Variants in WDR27 observed in about 807,000 individuals in gnomAD.
The protein encoded by WDR27 is WD repeat-containing protein 27.
WDR27 carries 100 observed loss-of-function variants against 114.4 expected under a neutral mutation model. The observed-to-expected ratio is 0.87, with a 90% CI of 0.74 to 1.03. The LOEUF (loss-of-function observed/expected upper bound fraction) is 1.03. WDR27 is among the 50% of genes least tolerant of loss of function. The probability of loss-of-function intolerance (pLI) is 0.00; values close to 1 mark genes in which losing one functional copy is unlikely to be tolerated. For synonymous variants in WDR27, 449 were observed against 423.1 expected, an observed-to-expected ratio of 1.06 and a Z score of -0.75; for missense variants, 1,129 against 1,092.9, an observed-to-expected ratio of 1.03 and a Z score of -0.47.
At chr6:169,464,473 C>A (rs1032364792) in intron 25 of WDR27, among the ~76,000 whole-genome samples, 4 of 151,960 alleles carry the variant, frequency 2.6e-5, no homozygotes, top group African/African-American at 9.7e-5. Flanking sequence ...TTAGGGTTGG[C>A]AATGATCTAT....
chr6:169,657,058 C>G (rs571691756), intron 13 of WDR27, among the ~76,000 whole-genome samples: 1 of 152,230 alleles, frequency 6.6e-6, no homozygotes, highest in East Asian at 1.9e-4. Context: ...CAGTTCACAC[C>G]GACAGTGGGT....
At chr6:169,666,709 T>C in intron 6 of WDR27, 1 of 988,422 alleles carries the variant, frequency 1.0e-6, no homozygotes, top group Non-Finnish European at 1.2e-6. Context: ...ATTCACGAGC[T>C]GCACACGTGC....
chr6:169,553,839 C>T (rs1798520292), intron 25 of WDR27, among the ~76,000 whole-genome samples: 1 of 152,148 alleles, frequency 6.6e-6, no homozygotes, highest in Non-Finnish European at 1.5e-5. Flanking sequence ...TGGAACCCTC[C>T]AGATGTTCTG....
At chr6:169,510,119 A>T (rs1241672943) in intron 25 of WDR27, among the ~76,000 whole-genome samples, 1 of 152,246 alleles carries the variant, frequency 6.6e-6, no homozygotes, top group Non-Finnish European at 1.5e-5. Flanking sequence ...ATCATTAAAA[A>T]GTCAGGAAAC....
At chr6:169,565,739 A>G (rs138324673) in intron 25 of WDR27, among the ~76,000 whole-genome samples, 394 of 152,336 alleles carry the variant, frequency 2.6e-3, no homozygotes, top group Admixed American at 4.9e-3. Flanking sequence ...CAGTGGTCCA[A>G]TCCTGGCTCA....
At chr6:169,452,956 G>C (rs576802185), downstream of WDR27, among the ~76,000 whole-genome samples, 49 of 152,268 alleles carry the variant, frequency 3.2e-4, no homozygotes, top group African/African-American at 1.1e-3. Context: ...CTCAGCTGCC[G>C]TGCAGTCAGC....
At chr6:169,688,733 G>C (rs1783699116) in intron 2 of WDR27, 84 bp downstream of exon 2, 2 of 981,784 alleles carry the variant, frequency 2.0e-6, no homozygotes, top group East Asian at 5.7e-5. Context: ...ATCCACAGAG[G>C]GTAATGCTGT....
Position 169,646,772 on chromosome 6 carries a change from A to AGAAAT in WDR27, c.1657+996_1657+1000dup, listed in dbSNP as rs372605087. 7.5e-3 allele frequency among the ~76,000 whole-genome samples: 1,141 copies of AGAAAT among 152,146 alleles called. 14 individuals carry two copies. The highest frequency in any genetic ancestry group is 0.02 in the Middle Eastern group (6 of 294). On this transcript the variant is annotated intron_variant, in intron 16 of 25. Coordinates refer to ENST00000448612, the MANE Select transcript of WDR27 (RefSeq NM_182552.5). ...CAAAAAAAAAAAAAAAAGAAAAGAAAGAAATGATAGATGTCACCCACAATA... is the reference window on the plus strand; with the variant it reads ...CAAAAAAAAAAAAAAAAGAAAAGAAAGAAATGAAATGATAGATGTCACCCACAATA...
chr6:169,500,740 T>C (rs1402725124), intron 25 of WDR27, among the ~76,000 whole-genome samples: 7 of 152,108 alleles, frequency 4.6e-5, no homozygotes, highest in African/African-American at 1.7e-4. Context: ...GCACACGACA[T>C]GGTGGAGACC....
intron 25 of WDR27, among the ~76,000 whole-genome samples, chr6:169,511,312 A>G (rs776996587): frequency 2.0e-5 from 3 of 152,226 alleles, no homozygotes; most frequent in Non-Finnish European, 2.9e-5. Context: ...AATATGTTCC[A>G]TTAAAATCAA....
chr6:169,445,565 C>T, the WDR27 span, among the ~76,000 whole-genome samples: 14 of 151,682 alleles, frequency 9.2e-5, no homozygotes, highest in East Asian at 2.3e-3. Flanking sequence ...AGCAAGCATT[C>T]TGTGAACATT....
At chr6:169,436,683 T>C in the WDR27 span, among the ~76,000 whole-genome samples, 4 of 152,124 alleles carry the variant, frequency 2.6e-5, no homozygotes, top group African/African-American at 7.2e-5. Flanking sequence ...ATCTTACCAT[T>C]ATATTGAATT....
In WDR27 at chr6:169,667,968, C is replaced by T. The variant is rs779658310; in HGVS notation, c.660+14G>A. ...CGTGCCACGCGGGAACGCCATCCAG[C>T]GTCCATCCCTCACCTTAAAGCCTCT... On this transcript the variant is annotated intron_variant, in intron 5 of 25. Coordinates refer to ENST00000448612, the MANE Select transcript of WDR27 (RefSeq NM_182552.5). 5.0e-6 allele frequency: 8 copies of T among 1,606,168 alleles called. No individual in the cohort carries two copies. Among genetic ancestry groups the T allele is most frequent in the Non-Finnish European group, 6.8e-6 (8 of 1,176,236 alleles).
At chr6:169,456,194 T>C (rs146065796), downstream of WDR27, among the ~76,000 whole-genome samples, 52 of 152,200 alleles carry the variant, frequency 3.4e-4, no homozygotes, top group African/African-American at 1.1e-3. This position sits in a 1 kb window ranked among gnomAD's most constrained non-coding sequence, Gnocchi z 4.0. Flanking sequence ...ATTGGAAAAA[T>C]AAAAATGAGT....
At chr6:169,503,230 C>A (rs750258452) in intron 25 of WDR27, among the ~76,000 whole-genome samples, 46 of 152,182 alleles carry the variant, frequency 3.0e-4, no homozygotes, top group Non-Finnish European at 3.4e-4. Flanking sequence ...CAACCTGTAA[C>A]AGCTTCTGAC....
intron 25 of WDR27, among the ~76,000 whole-genome samples, chr6:169,516,459 G>A (rs1562521263): frequency 2.0e-5 from 3 of 152,122 alleles, no homozygotes. Context: ...AACTCCTCCA[G>A]AACTCCTCCA....
chr6:169,609,187 T>C (rs1809953855), intron 22 of WDR27, among the ~76,000 whole-genome samples: 1 of 152,132 alleles, frequency 6.6e-6, no homozygotes, highest in African/African-American at 2.4e-5. Context: ...TTTTCCGTGC[T>C]CATGGTGCAA....
chr6:169,639,604 G>T (rs1270681688), intron 17 of WDR27, among the ~76,000 whole-genome samples: 1 of 152,186 alleles, frequency 6.6e-6, no homozygotes, highest in African/African-American at 2.4e-5. Flanking sequence ...TGGTCTTCAG[G>T]TGTCTGAATA....
At chr6:169,694,432 T>C (rs1304080482) in intron 1 of WDR27, among the ~76,000 whole-genome samples, 1 of 152,236 alleles carries the variant, frequency 6.6e-6, no homozygotes, top group South Asian at 2.1e-4. Context: ...AATTCTACTT[T>C]TATAAATTTA....
Sources: allele counts gnomAD v4.1 joint callset (sites outside exome capture counted in the v4.1 genomes callset), GRCh38; gene constraint gnomAD v4.1.1; non-coding constraint Gnocchi (gnomAD v3.1); transcripts MANE v1.5; gene names NCBI Gene and HGNC (gene_info 2026-07-23, HGNC 2026-07-21).